The following RBFOX1 variants were observed in gnomAD, a reference collection of about 807,000 sequenced individuals.
RBFOX1 encodes RNA binding fox-1 homolog 1, also known as RNA binding protein fox-1 homolog 1.
A neutral mutation model predicts 57.7 loss-of-function variants in RBFOX1; 8 were observed. The ratio of observed to expected loss-of-function variants is 0.14; its 90% confidence interval spans 0.08 to 0.25. The LOEUF (loss-of-function observed/expected upper bound fraction) is 0.25. Among genes scored for constraint, RBFOX1 ranks in the 10% least tolerant of loss-of-function variants. RBFOX1 has a pLI of 1.00. For synonymous variants in RBFOX1, 326 were observed against 222.4 expected (o/e 1.47, Z -4.15); for missense variants, 611 against 548.5 (o/e 1.11, Z -1.14).
At chr16:7,484,131 T>G (rs1355067625) in intron 4 of RBFOX1, among the ~76,000 whole-genome samples, 1 of 152,048 alleles carries the variant, frequency 6.6e-6, no homozygotes, top group African/African-American at 2.4e-5. Flanking sequence ...GCATAAAGTT[T>G]TTGAGATTCA....
intron 3 of RBFOX1, among the ~76,000 whole-genome samples, chr16:6,765,313 C>G (rs1348057682): frequency 6.6e-6 from 1 of 152,152 alleles, no homozygotes; most frequent in East Asian, 1.9e-4. Flanking sequence ...TTGTACTCAA[C>G]AAAATCCATT....
At chr16:6,558,892 C>T (rs2097141323) in intron 2 of RBFOX1, among the ~76,000 whole-genome samples, 1 of 151,528 alleles carries the variant, frequency 6.6e-6, no homozygotes, top group East Asian at 2.0e-4. Flanking sequence ...GCATTCTGCT[C>T]CCTCTGTCTG....
chr16:7,046,585 G>GTTTCTT (rs2048029582), intron 3 of RBFOX1, among the ~76,000 whole-genome samples: 2 of 142,166 alleles, frequency 1.4e-5, no homozygotes, highest in Non-Finnish European at 3.1e-5. Context: ...CTTTGTTTCT[G>GTTTCTT]TAGTCTTTGT....
chr16:6,366,646 C>T (rs2089672304), intron 2 of RBFOX1, among the ~76,000 whole-genome samples: 3 of 152,258 alleles, frequency 2.0e-5, no homozygotes, highest in South Asian at 4.1e-4. Context: ...CTTCTGCAGG[C>T]ACTTTACATA....
intron 2 of RBFOX1, among the ~76,000 whole-genome samples, chr16:6,651,213 A>G (rs1031323836): frequency 2.0e-5 from 3 of 151,950 alleles, no homozygotes; most frequent in Non-Finnish European, 4.4e-5. Flanking sequence ...GGAACCCCTA[A>G]TGTTTGTAAC....
intron 3 of RBFOX1, among the ~76,000 whole-genome samples, chr16:6,817,500 C>T (rs911675035): frequency 2.2e-4 from 32 of 148,712 alleles, no homozygotes; most frequent in African/African-American, 8.0e-4. Flanking sequence ...TCGAGACCAG[C>T]CTGGCCAGCA....
intron 3 of RBFOX1, among the ~76,000 whole-genome samples, chr16:6,956,443 G>C (rs1474696513): frequency 6.6e-6 from 1 of 152,322 alleles, no homozygotes; most frequent in Middle Eastern, 3.4e-3. Flanking sequence ...TCAAGAGTAA[G>C]CTACATGCTG....
chr16:6,870,635 C>T (rs1478662401), intron 3 of RBFOX1, among the ~76,000 whole-genome samples: 1 of 152,048 alleles, frequency 6.6e-6, no homozygotes. Context: ...TGTAGATGAG[C>T]AGAAACAAAA....
chr16:5,437,752 A>G (rs2067960737), intron 1 of RBFOX1, among the ~76,000 whole-genome samples: 1 of 152,192 alleles, frequency 6.6e-6, no homozygotes, highest in Non-Finnish European at 1.5e-5. Flanking sequence ...CTGGATAATG[A>G]GGCTCTGAGC....
intron 2 of RBFOX1, among the ~76,000 whole-genome samples, chr16:6,371,389 C>T (rs1251494564): frequency 2.0e-5 from 3 of 152,046 alleles, no homozygotes; most frequent in Non-Finnish European, 4.4e-5. Flanking sequence ...TTACTTATTT[C>T]AGTATAAAGT....
At chr16:5,752,843 A>T (rs1455243263) in intron 3 of RBFOX1, among the ~76,000 whole-genome samples, 4 of 152,184 alleles carry the variant, frequency 2.6e-5, no homozygotes. Flanking sequence ...ATCAAAAGAA[A>T]TAAATTCAGA....
chr16:6,396,959 GA>G (rs2152945050), intron 2 of RBFOX1, among the ~76,000 whole-genome samples: 1 of 152,192 alleles, frequency 6.6e-6, no homozygotes, highest in Non-Finnish European at 1.5e-5. Context: ...GGAGAATGGG[GA>G]CAGCACAACA....
intron 1 of RBFOX1, among the ~76,000 whole-genome samples, chr16:6,188,368 A>G (rs984123095): frequency 7.9e-4 from 120 of 151,840 alleles, no homozygotes; most frequent in African/African-American, 2.8e-3. Context: ...CCAAGAAACA[A>G]TTAGAGCTTT....
At chr16:6,500,483 T>A (rs915997046) in intron 2 of RBFOX1, among the ~76,000 whole-genome samples, 4 of 152,126 alleles carry the variant, frequency 2.6e-5, no homozygotes, top group Non-Finnish European at 5.9e-5. Context: ...TGGCCAAGGG[T>A]GAGAAGGTCT....
chr16:7,397,966 T>C (rs2148686271), intron 4 of RBFOX1, among the ~76,000 whole-genome samples: 1 of 152,278 alleles, frequency 6.6e-6, no homozygotes, highest in East Asian at 1.9e-4. Flanking sequence ...GCAAGCTTTA[T>C]GTTATAAACC....
chr16:6,352,550 G>A (rs2152849007), intron 2 of RBFOX1, among the ~76,000 whole-genome samples: 1 of 152,252 alleles, frequency 6.6e-6, no homozygotes, highest in Non-Finnish European at 1.5e-5. Flanking sequence ...AGGGCACTGA[G>A]AGCTGTGAGT....
intron 4 of RBFOX1, among the ~76,000 whole-genome samples, chr16:7,266,223 C>T (rs1335826646): frequency 7.2e-6 from 1 of 138,286 alleles, no homozygotes; most frequent in Non-Finnish European, 1.6e-5. Context: ...GACCCGGCCG[C>T]CTCGGCCTCC....
intron 3 of RBFOX1, among the ~76,000 whole-genome samples, chr16:6,924,940 T>G (rs1265439183): frequency 6.6e-6 from 1 of 150,426 alleles, no homozygotes; most frequent in Non-Finnish European, 1.5e-5. Flanking sequence ...ATGCGGTGTT[T>G]GGTTTTTTGC....
At chr16:6,604,908 G>A (rs144711868) in intron 2 of RBFOX1, among the ~76,000 whole-genome samples, 187 of 152,198 alleles carry the variant, frequency 1.2e-3, no homozygotes, top group African/African-American at 4.0e-3. Context: ...ACCTTAGGCA[G>A]GCAGGTTACT....
Sources: allele counts gnomAD v4.1 joint callset (sites outside exome capture counted in the v4.1 genomes callset), GRCh38; gene constraint gnomAD v4.1.1; transcripts MANE v1.5; gene names NCBI Gene and HGNC (gene_info 2026-07-23, HGNC 2026-07-21).